Variants in PTPRN2 observed in about 807,000 individuals in gnomAD.
PTPRN2 encodes the protein receptor-type tyrosine-protein phosphatase N2.
In PTPRN2, 74 loss-of-function variants were observed where a neutral mutation model predicts 118.8. That is an observed-to-expected ratio of 0.62 (90% CI 0.52 to 0.76). The LOEUF is 0.76. Ranked by LOEUF, PTPRN2 falls within the 30% of genes least tolerant of loss-of-function variation. The pLI is 0.00. For synonymous variants in PTPRN2, 641 were observed against 608.0 expected, an observed-to-expected ratio of 1.05 and a Z score of -0.80; for missense variants, 1,481 against 1,394.4, an observed-to-expected ratio of 1.06 and a Z score of -0.99.
chr7:157,931,407 A>T (rs534765968), intron 11 of PTPRN2, among the ~76,000 whole-genome samples: 67 of 152,322 alleles, frequency 4.4e-4, no homozygotes, highest in Non-Finnish European at 3.7e-4. Flanking sequence ...GGCAGGCCCA[A>T]TCAGGCCTGA....
intron 2 of PTPRN2, among the ~76,000 whole-genome samples, chr7:158,441,778 G>A (rs1357627346): frequency 1.0e-4 from 5 of 48,008 alleles, no homozygotes; most frequent in Admixed American, 2.3e-4. Flanking sequence ...TGGCAGTGGT[G>A]GTGATGGTGA....
intron 12 of PTPRN2, among the ~76,000 whole-genome samples, chr7:157,738,288 C>T (rs1281598833): frequency 1.3e-5 from 2 of 152,176 alleles, no homozygotes; most frequent in Non-Finnish European, 2.9e-5. Flanking sequence ...ATCTCTCCCA[C>T]CACCGGGAAG....
At chr7:158,299,469 T>C (rs1800728120) in intron 3 of PTPRN2, among the ~76,000 whole-genome samples, 1 of 152,040 alleles carries the variant, frequency 6.6e-6, no homozygotes, top group African/African-American at 2.4e-5. Context: ...GGCTAATTTT[T>C]GTATTTTTAG....
intron 13 of PTPRN2, among the ~76,000 whole-genome samples, chr7:157,658,210 G>C (rs571027858): frequency 5.6e-4 from 85 of 152,278 alleles, no homozygotes; most frequent in African/African-American, 1.9e-3. Context: ...TTGCACTGTG[G>C]ACTGAGATAC....
At chr7:158,113,515 G>A (rs1047151975) in intron 9 of PTPRN2, among the ~76,000 whole-genome samples, 21 of 152,256 alleles carry the variant, frequency 1.4e-4, no homozygotes, top group African/African-American at 5.1e-4. Flanking sequence ...TGGCACCAGG[G>A]CTGGAGACCC....
intron 2 of PTPRN2, among the ~76,000 whole-genome samples, chr7:158,333,603 C>A (rs1234589435): frequency 2.6e-5 from 4 of 151,022 alleles, no homozygotes; most frequent in African/African-American, 9.9e-5. Context: ...CACACCCACA[C>A]TCTCACTATA....
intron 11 of PTPRN2, among the ~76,000 whole-genome samples, chr7:158,012,811 T>A (rs1806144422): frequency 6.6e-6 from 1 of 152,190 alleles, no homozygotes; most frequent in African/African-American, 2.4e-5. Flanking sequence ...CCTAACCTTC[T>A]AGCTGAGATC....
intron 2 of PTPRN2, among the ~76,000 whole-genome samples, chr7:158,453,670 G>A (rs1414496851): frequency 3.3e-5 from 5 of 152,182 alleles, no homozygotes; most frequent in East Asian, 3.8e-4. Context: ...TATATTACTC[G>A]GCTTTTAAGT....
At chr7:158,005,194 T>C (rs978540066) in intron 11 of PTPRN2, among the ~76,000 whole-genome samples, 3 of 151,980 alleles carry the variant, frequency 2.0e-5, no homozygotes, top group Admixed American at 2.0e-4. Flanking sequence ...CCTGCCTCAG[T>C]CTGCCGAGTA....
intron 10 of PTPRN2, among the ~76,000 whole-genome samples, chr7:158,086,873 C>T (rs1319878448): frequency 1.3e-5 from 2 of 152,206 alleles, no homozygotes; most frequent in Non-Finnish European, 2.9e-5. Flanking sequence ...CGCTTTCACA[C>T]ACATCAATAA....
In PTPRN2 at chr7:157,797,991, G is replaced by A. The variant is rs531372939; in HGVS notation, c.1788+100682C>T. ...TTATTTCTCTGGGCCAGGCGTCGTG[G>A]CTCATGCCTGTAATCCCGGCACTTT... is the stretch of plus-strand genomic sequence containing the variant. On this transcript the variant is annotated intron_variant, in intron 12 of 22. Transcript: ENST00000389418. 4.0e-4 allele frequency among the ~76,000 whole-genome samples: 61 copies of A among 152,332 alleles called. 1 individual carries two copies. The South Asian group carries it at 0.013, about 32-fold the overall frequency.
At chr7:158,215,558 C>T (rs972819612) in intron 3 of PTPRN2, among the ~76,000 whole-genome samples, 8 of 152,096 alleles carry the variant, frequency 5.3e-5, no homozygotes, top group Non-Finnish European at 1.0e-4. Context: ...CAAATCTCCT[C>T]CAAGACACAT....
At chr7:158,110,625 G>T (rs558333562) in intron 10 of PTPRN2, among the ~76,000 whole-genome samples, 10 of 152,328 alleles carry the variant, frequency 6.6e-5, no homozygotes, top group African/African-American at 2.4e-4. Context: ...CTGTCCTTCA[G>T]GAGATTTTCA....
chr7:158,383,559 G>A (rs1181263006), intron 2 of PTPRN2, among the ~76,000 whole-genome samples: 1 of 152,038 alleles, frequency 6.6e-6, no homozygotes, highest in East Asian at 1.9e-4. Flanking sequence ...TAGCCTCCGG[G>A]ATCCCAAAAA....
At chr7:158,543,450 A>G (rs1826112548) in intron 1 of PTPRN2, among the ~76,000 whole-genome samples, 1 of 152,360 alleles carries the variant, frequency 6.6e-6, no homozygotes, top group Admixed American at 6.5e-5. Flanking sequence ...ACGTAGCTCA[A>G]TTCAGTTTTG....
At chr7:158,332,607 G>A (rs1482427293) in intron 2 of PTPRN2, among the ~76,000 whole-genome samples, 1 of 151,140 alleles carries the variant, frequency 6.6e-6, no homozygotes, top group Non-Finnish European at 1.5e-5. Context: ...CATAAGAAGT[G>A]ACACCTGCAG....
chr7:157,938,086 T>C (rs1799828389), intron 11 of PTPRN2, among the ~76,000 whole-genome samples: 1 of 152,196 alleles, frequency 6.6e-6, no homozygotes, highest in South Asian at 2.1e-4. Flanking sequence ...TGTTCAAAGC[T>C]AAGAGCCACC....
At chr7:158,571,521 A>ATTT (rs1563446712) in intron 1 of PTPRN2, among the ~76,000 whole-genome samples, 2 of 119,666 alleles carry the variant, frequency 1.7e-5, no homozygotes, top group East Asian at 2.7e-4. Context: ...ACACACACCT[A>ATTT]TTTCTTTTTT....
At chr7:158,404,014 C>T (rs752188311) in intron 2 of PTPRN2, among the ~76,000 whole-genome samples, 6 of 152,196 alleles carry the variant, frequency 3.9e-5, no homozygotes, top group Non-Finnish European at 7.3e-5. Context: ...AGGACAGACA[C>T]AAAAATGACA....
Sources: gnomAD v4.1 joint callset for allele counts (sites outside exome capture counted in the v4.1 genomes callset) on GRCh38, gnomAD v4.1.1 for gene constraint, MANE v1.5 for transcripts, NCBI Gene and HGNC (gene_info 2026-07-23, HGNC 2026-07-21) for gene names.